Variants in MTMR12 observed in about 807,000 individuals in gnomAD.
MTMR12 encodes myotubularin-related protein 12.
In MTMR12, 33 loss-of-function variants were observed where a neutral mutation model predicts 96.7. The observed-to-expected ratio is 0.34, with a 90% CI of 0.26 to 0.46. The LOEUF is 0.46. Ranked by LOEUF, MTMR12 falls within the 20% of genes least tolerant of loss-of-function variation. The pLI, the probability that MTMR12 is intolerant of heterozygous loss-of-function variation, is 1.00. For missense variants in MTMR12, 721 were observed against 896.1 expected, an observed-to-expected ratio of 0.80 and a Z score of 2.49; for synonymous variants, 298 against 327.2, an observed-to-expected ratio of 0.91 and a Z score of 0.96.
At chr5:32,298,789 ATACAAAAAAAAAAAT>A (rs1385253695) in intron 1 of MTMR12, among the ~76,000 whole-genome samples, 1 of 151,478 alleles carries the variant, frequency 6.6e-6, no homozygotes, top group Non-Finnish European at 1.5e-5. Context: ...TCTACTAAAA[ATACAAAAAAAAAAAT>A]TAGCTGGGCG....
intron 1 of MTMR12, among the ~76,000 whole-genome samples, chr5:32,300,082 C>T (rs1355027622): frequency 6.6e-6 from 1 of 152,200 alleles, no homozygotes; most frequent in Non-Finnish European, 1.5e-5. Flanking sequence ...CCAGCCATCT[C>T]CCCAAGAGAA....
At chr5:32,272,126 C>T (rs1017142346) in intron 3 of MTMR12, among the ~76,000 whole-genome samples, 3 of 151,920 alleles carry the variant, frequency 2.0e-5, no homozygotes, top group African/African-American at 4.8e-5. Flanking sequence ...CCCATCTCTA[C>T]TAAAAATACA....
intron 13 of MTMR12, among the ~76,000 whole-genome samples, chr5:32,236,046 T>C (rs1163285590): frequency 6.6e-6 from 1 of 152,226 alleles, no homozygotes; most frequent in Non-Finnish European, 1.5e-5. Context: ...GTACAGCAAC[T>C]TTATTTCACA....
rs1226539343 is a variant in MTMR12 at position 32,228,576 on chromosome 5, A to T, written c.*1202T>A. On this transcript the variant is annotated 3_prime_UTR_variant, in exon 16 of 16. Coordinates refer to ENST00000382142, the MANE Select transcript of MTMR12 (RefSeq NM_001040446.3). ...TATGTGATATATATATATCATATAT[A>T]TATCATATATATGTGATATATATAT... 7.4e-6 allele frequency: 1 copy of T among 135,044 alleles called. No homozygotes were observed. Among genetic ancestry groups the T allele is most frequent in the Non-Finnish European group, 1.5e-5 (1 of 64,874 alleles). 8.4% of individuals were successfully genotyped at this position (135,044 alleles called of 1,614,324 possible).
chr5:32,258,876 T>G (rs1749242453), intron 7 of MTMR12, among the ~76,000 whole-genome samples: 1 of 140,686 alleles, frequency 7.1e-6, no homozygotes, highest in Admixed American at 7.6e-5. Flanking sequence ...AGTTCATCGG[T>G]GAGTTTTCTT....
chr5:32,304,908 G>T (rs1358272368), intron 1 of MTMR12, among the ~76,000 whole-genome samples: 1 of 152,200 alleles, frequency 6.6e-6, no homozygotes, highest in Non-Finnish European at 1.5e-5. Flanking sequence ...AGAAGCTTTG[G>T]ACAGATCATC....
intron 1 of MTMR12, 31 bp from the exon 2 acceptor site, chr5:32,276,773 T>G: frequency 4.4e-6 from 7 of 1,584,816 alleles, no homozygotes; most frequent in Non-Finnish European, 6.1e-6. Context: ...ATATTTTTCT[T>G]TGTTTAAGGG....
At chr5:32,274,766 C>T (rs1302094088) in intron 2 of MTMR12, among the ~76,000 whole-genome samples, 2 of 152,270 alleles carry the variant, frequency 1.3e-5, no homozygotes, top group Middle Eastern at 3.4e-3. Flanking sequence ...CTTAGTTAAG[C>T]GTATTTCCTT....
chr5:32,288,113 G>C (rs1024286388), intron 1 of MTMR12, among the ~76,000 whole-genome samples: 1 of 152,086 alleles, frequency 6.6e-6, no homozygotes, highest in Non-Finnish European at 1.5e-5. Flanking sequence ...TGCAACAAAA[G>C]GTGCATGCAC....
chr5:32,250,542 G>A (rs1341900090), intron 8 of MTMR12, among the ~76,000 whole-genome samples: 2 of 152,216 alleles, frequency 1.3e-5, no homozygotes, highest in African/African-American at 4.8e-5. Flanking sequence ...TCAGCTCTCT[G>A]CCTAAGGTGG....
At chr5:32,242,780 T>A (rs1212921970) in intron 11 of MTMR12, among the ~76,000 whole-genome samples, 1 of 151,950 alleles carries the variant, frequency 6.6e-6, no homozygotes, top group Non-Finnish European at 1.5e-5. Context: ...ATAACATTTA[T>A]CCCTGTCTGC....
At chr5:32,297,162 A>G (rs1000783873) in intron 1 of MTMR12, among the ~76,000 whole-genome samples, 1 of 152,102 alleles carries the variant, frequency 6.6e-6, no homozygotes. Context: ...TATTTAATAT[A>G]ATGTTTAACA....
chr5:32,252,900 G>A (rs1051325378), intron 8 of MTMR12, among the ~76,000 whole-genome samples: 2 of 152,202 alleles, frequency 1.3e-5, no homozygotes, highest in African/African-American at 2.4e-5. Context: ...AGGAATGAGA[G>A]AAAGAAGAAC....
chr5:32,251,086 C>T (rs1432152509), intron 8 of MTMR12, among the ~76,000 whole-genome samples: 1 of 136,542 alleles, frequency 7.3e-6, no homozygotes, highest in South Asian at 2.3e-4. Context: ...GACGGAGTCT[C>T]GCTCTGTCGC....
At chr5:32,248,562 T>C (rs1176185763) in intron 9 of MTMR12, among the ~76,000 whole-genome samples, 3 of 152,200 alleles carry the variant, frequency 2.0e-5, no homozygotes, top group African/African-American at 7.2e-5. Context: ...GACTTTAGCG[T>C]GCACCTCTAA....
intron 1 of MTMR12, among the ~76,000 whole-genome samples, chr5:32,289,493 C>T (rs1197747643): frequency 1.3e-5 from 2 of 152,146 alleles, no homozygotes; most frequent in South Asian, 2.1e-4. Context: ...TGACATTCTA[C>T]CAGGGTAAGT....
Position 32,243,527 on chromosome 5 carries a change from A to G in MTMR12, c.1094T>C (p.Ile365Thr), listed in dbSNP as rs762407872. Residue 365 changes from isoleucine to threonine, a missense_variant, in exon 11 of 16, where the codon ATA (isoleucine) becomes ACA (threonine). Ile to Thr is a moderately conservative substitution (Grantham distance 89). Coordinates refer to ENST00000382142, the MANE Select transcript of MTMR12 (RefSeq NM_001040446.3). ...AAACAATGGTTTGAAATACCTGATT[A>G]TGTCAAGCCAGCTGCTACTTTCCAA... ...SLLESSSWLDIIRRCLKKAIE... is the reference protein window; with the variant it reads ...SLLESSSWLDTIRRCLKKAIE... The G allele has an allele frequency of 6.2e-7, 1 of 1,608,970 alleles. No homozygotes were observed. The highest frequency in any genetic ancestry group is 8.5e-7 in the Non-Finnish European group (1 of 1,175,746).
chr5:32,265,926 A>T (rs1176744717), intron 6 of MTMR12, among the ~76,000 whole-genome samples: 2 of 152,240 alleles, frequency 1.3e-5, no homozygotes, highest in African/African-American at 4.8e-5. Flanking sequence ...GAAAACAGCA[A>T]GGCCAGGATT....
intron 1 of MTMR12, among the ~76,000 whole-genome samples, chr5:32,304,250 G>A (rs1305564215): frequency 6.6e-6 from 1 of 151,930 alleles, no homozygotes; most frequent in African/African-American, 2.4e-5. Flanking sequence ...AACCCAGGAG[G>A]CAGAGGTTGC....
Sources: gnomAD v4.1 joint callset for allele counts (sites outside exome capture counted in the v4.1 genomes callset) on GRCh38, gnomAD v4.1.1 for gene constraint, MANE v1.5 for transcripts, NCBI Gene and HGNC (gene_info 2026-07-23, HGNC 2026-07-21) for gene names.